PHACTR1: variants seen among roughly 807,000 people sequenced by gnomAD.
The protein encoded by PHACTR1 is RPEL repeat containing 1.
In PHACTR1, 16 loss-of-function variants were observed where a neutral mutation model predicts 69.2. The observed-to-expected ratio is 0.23, with a 90% CI of 0.16 to 0.35. PHACTR1 has a LOEUF of 0.35. Among genes scored for constraint, PHACTR1 ranks in the 10% least tolerant of loss-of-function variants. PHACTR1 has a pLI of 1.00. For synonymous variants in PHACTR1, 312 were observed against 284.5 expected (o/e 1.10, Z -0.97); for missense variants, 510 against 734.7 (o/e 0.69, Z 3.54).
At position 12,923,078 on chromosome 6, in the gene PHACTR1, C is replaced by T. The variant is rs544514418; in HGVS notation, c.251-130287C>T. On this transcript the variant is annotated intron_variant, in intron 4 of 14. Coordinates refer to ENST00000332995, the MANE Select transcript of PHACTR1 (RefSeq NM_030948.6). ...CAATTTTGATTACAAAAATAGAATC[C>T]GAAACAGAGCCTTCCTCCATAAATC... Among the ~76,000 whole-genome samples the T allele has an allele frequency of 4.6e-5, 7 of 152,180 alleles. 1 individual carries two copies. In the East Asian group the frequency reaches 5.8e-4, roughly 13 times the overall value.
chr6:12,976,463 C>A (rs1322390254), intron 4 of PHACTR1, among the ~76,000 whole-genome samples: 1 of 152,166 alleles, frequency 6.6e-6, no homozygotes, highest in Non-Finnish European at 1.5e-5. Flanking sequence ...GCCACCAGGA[C>A]TCCAGAACTT....
chr6:12,912,661 T>C (rs915457680), intron 4 of PHACTR1, among the ~76,000 whole-genome samples: 10 of 152,192 alleles, frequency 6.6e-5, no homozygotes, highest in Non-Finnish European at 1.5e-5. Flanking sequence ...TTCTAAAAAA[T>C]TGGCTTGTAG....
intron 4 of PHACTR1, among the ~76,000 whole-genome samples, chr6:13,033,042 T>A (rs1043247856): frequency 3.3e-5 from 5 of 152,224 alleles, no homozygotes; most frequent in South Asian, 2.1e-4. Context: ...ACGTGACTTC[T>A]CTTTCCCCAC....
At chr6:12,864,543 G>A (rs945855152) in intron 4 of PHACTR1, among the ~76,000 whole-genome samples, 5 of 152,104 alleles carry the variant, frequency 3.3e-5, no homozygotes, top group Admixed American at 2.0e-4. Context: ...AGCCGGTCAT[G>A]GTGGTGGGCA....
chr6:12,911,921 G>C (rs1786450269), intron 4 of PHACTR1, among the ~76,000 whole-genome samples: 2 of 152,188 alleles, frequency 1.3e-5, no homozygotes, highest in African/African-American at 4.8e-5. Context: ...GAAGGTGAAA[G>C]GAAAATACAT....
At chr6:12,929,142 TG>T (rs1788601682) in intron 4 of PHACTR1, among the ~76,000 whole-genome samples, 1 of 152,160 alleles carries the variant, frequency 6.6e-6, no homozygotes, top group Non-Finnish European at 1.5e-5. Context: ...CATGATCAAC[TG>T]GCACAGAGGA....
intron 7 of PHACTR1, among the ~76,000 whole-genome samples, chr6:13,196,954 G>GT (rs569587558): frequency 1.3e-5 from 2 of 152,258 alleles, no homozygotes; most frequent in South Asian, 2.1e-4. Context: ...ACTCTCTGTT[G>GT]TTTTTTTGGC....
chr6:13,055,352 A>G (rs1222343099), intron 5 of PHACTR1, among the ~76,000 whole-genome samples: 2 of 152,198 alleles, frequency 1.3e-5, no homozygotes, highest in African/African-American at 4.8e-5. Flanking sequence ...CAACTGAGTG[A>G]TTTACAAGTG....
intron 4 of PHACTR1, among the ~76,000 whole-genome samples, chr6:13,035,608 T>C (rs1022046080): frequency 2.0e-5 from 3 of 152,222 alleles, no homozygotes; most frequent in African/African-American, 7.2e-5. Context: ...TACTAATATT[T>C]GCTGGGCACT....
At chr6:12,730,654 T>C (rs1413684134) in intron 3 of PHACTR1, among the ~76,000 whole-genome samples, 3 of 152,224 alleles carry the variant, frequency 2.0e-5, no homozygotes, top group African/African-American at 7.2e-5. Context: ...GTTACATAGG[T>C]AAACTTGTGT....
At chr6:12,879,738 A>G (rs998736777) in intron 4 of PHACTR1, among the ~76,000 whole-genome samples, 5 of 152,148 alleles carry the variant, frequency 3.3e-5, no homozygotes, top group African/African-American at 1.2e-4. Context: ...CATTTTTTTC[A>G]GATGGTAAAA....
chr6:12,918,909 A>C (rs751898341), intron 4 of PHACTR1, among the ~76,000 whole-genome samples: 3 of 152,174 alleles, frequency 2.0e-5, no homozygotes, highest in South Asian at 4.1e-4. Context: ...GAACAAGAAA[A>C]AGTTGCGAAA....
At chr6:12,890,965 T>C (rs1784114949) in intron 4 of PHACTR1, among the ~76,000 whole-genome samples, 1 of 152,212 alleles carries the variant, frequency 6.6e-6, no homozygotes, top group South Asian at 2.1e-4. Flanking sequence ...CTGATAATAA[T>C]GCTTGGGACA....
intron 8 of PHACTR1, among the ~76,000 whole-genome samples, chr6:13,208,001 G>T (rs1455368774): frequency 6.6e-6 from 1 of 151,984 alleles, no homozygotes; most frequent in Non-Finnish European, 1.5e-5. Context: ...TGATTGTTTG[G>T]TGTTAACACC....
chr6:12,732,822 T>G (rs58819816), intron 3 of PHACTR1, among the ~76,000 whole-genome samples: 103 of 152,358 alleles, frequency 6.8e-4, no homozygotes, highest in African/African-American at 2.3e-3. Context: ...TATGAAATAA[T>G]CAGACACAGT....
intron 4 of PHACTR1, among the ~76,000 whole-genome samples, chr6:13,036,162 A>C (rs1803277077): frequency 1.3e-5 from 2 of 152,162 alleles, no homozygotes; most frequent in African/African-American, 2.4e-5. Flanking sequence ...GAAGAAAAGA[A>C]AATTATAGAG....
intron 5 of PHACTR1, among the ~76,000 whole-genome samples, chr6:13,102,624 C>G (rs921007847): frequency 6.6e-6 from 1 of 152,130 alleles, no homozygotes; most frequent in Non-Finnish European, 1.5e-5. Flanking sequence ...AAGCCTGTTG[C>G]CAGATCTCTT....
At chr6:13,047,819 T>C (rs7743585) in intron 4 of PHACTR1, among the ~76,000 whole-genome samples, 43,773 of 151,832 alleles carry the variant, frequency 0.29, 7,182 homozygotes, top group African/African-American at 0.45. Flanking sequence ...TGATGCCATC[T>C]TTGCACAAGC....
chr6:12,768,366 G>T (rs1241379780), intron 4 of PHACTR1, among the ~76,000 whole-genome samples: 1 of 151,962 alleles, frequency 6.6e-6, no homozygotes, highest in Non-Finnish European at 1.5e-5. Context: ...CGCCCTCCTC[G>T]GCCTCCCAAA....
Sources: gnomAD v4.1 joint callset for allele counts (sites outside exome capture counted in the v4.1 genomes callset) on GRCh38, gnomAD v4.1.1 for gene constraint, MANE v1.5 for transcripts, NCBI Gene and HGNC (gene_info 2026-07-23, HGNC 2026-07-21) for gene names.